Variants in BSPH1 observed in about 807,000 individuals in gnomAD.
BSPH1 encodes binder of sperm protein homolog 1.
A neutral mutation model predicts 22.5 loss-of-function variants in BSPH1; 21 were observed. That is an observed-to-expected ratio of 0.93 (90% CI 0.66 to 1.35). The LOEUF (loss-of-function observed/expected upper bound fraction) is 1.35. BSPH1 is among the 40% of genes most tolerant of loss of function. The probability of loss-of-function intolerance (pLI) is 0.00; values close to 1 mark genes in which losing one functional copy is unlikely to be tolerated. For synonymous variants in BSPH1, 42 were observed against 53.6 expected (o/e 0.78, Z 0.95); for missense variants, 141 against 154.2 (o/e 0.91, Z 0.45).
rs561619048 is a variant in BSPH1, at chr19:47,976,130, C to CA, written c.*2+579dup. Among the ~76,000 whole-genome samples, 643 of 152,200 alleles carry CA rather than the reference C, an allele frequency of 4.2e-3. 3 individuals carry two copies. The highest frequency in any genetic ancestry group is 0.013 in the South Asian group (61 of 4,820). On this transcript the variant is annotated intron_variant, in intron 5 of 5. Coordinates refer to ENST00000344839, the MANE Select transcript of BSPH1 (RefSeq NM_001128326.2). ...TCTACATTGACACATCACTATCACCCAAAATCCATAAGCTTATTTTACTTC... is the reference window on the plus strand; with the variant it reads ...TCTACATTGACACATCACTATCACCCAAAAATCCATAAGCTTATTTTACTTC...
intron 5 of BSPH1, among the ~76,000 whole-genome samples, chr19:47,972,984 G>T (rs1307697412): frequency 6.6e-6 from 1 of 151,662 alleles, no homozygotes; most frequent in Non-Finnish European, 1.5e-5. Context: ...TTGGGAGGCC[G>T]AGGCGGGTGG....
intron 5 of BSPH1, among the ~76,000 whole-genome samples, 195 bp from the exon 6 acceptor site, chr19:47,968,404 C>T (rs1221843488): frequency 2.7e-5 from 4 of 149,498 alleles, no homozygotes; most frequent in Non-Finnish European, 4.4e-5. Flanking sequence ...GTCTCCCACA[C>T]TGGAATGTAG....
rs1386269217 is a variant in BSPH1 at position 47,969,689 on chromosome 19, G to GAA, written c.*3-1481_*3-1480insTT. ...CCTGTAAGGCAGGGAGAGGGGGAGA[G>GAA]AGAGAGAGAGAGAGAGAGAGAGAGA... On this transcript the variant is annotated intron_variant, in intron 5 of 5. Coordinates refer to ENST00000344839, the MANE Select transcript of BSPH1 (RefSeq NM_001128326.2). Among the ~76,000 whole-genome samples, 21 of 49,606 alleles carry GAA rather than the reference G, an allele frequency of 4.2e-4. 1 individual carries two copies. Among genetic ancestry groups the GAA allele is most frequent in the Admixed American group, 1.1e-3 (4 of 3,602 alleles). The allele number at this position is 49,606 out of a possible 152,430, so 32.5% of individuals were successfully genotyped here.
At chr19:47,981,132 C>T (rs1969416084) in intron 1 of BSPH1, among the ~76,000 whole-genome samples, 191 bp from the exon 2 acceptor site, 1 of 151,888 alleles carries the variant, frequency 6.6e-6, no homozygotes, top group African/African-American at 2.4e-5. Flanking sequence ...TTGTATTTTT[C>T]AAATATTATT....
intron 3 of BSPH1, among the ~76,000 whole-genome samples, chr19:47,977,957 T>C (rs1040742955): frequency 6.8e-6 from 1 of 147,636 alleles, no homozygotes; most frequent in Non-Finnish European, 1.5e-5. Context: ...TATATACTTA[T>C]ATATGTTATA....
chr19:47,972,410 T>C (rs917736004), intron 5 of BSPH1, among the ~76,000 whole-genome samples: 2 of 152,034 alleles, frequency 1.3e-5, no homozygotes, highest in Admixed American at 1.3e-4. Context: ...TAGTGCTTTA[T>C]AGGTAATTTT....
At chr19:47,981,718 C>G in intron 1 of BSPH1, 1 of 964,340 alleles carries the variant, frequency 1.0e-6, no homozygotes, top group Non-Finnish European at 1.2e-6. Context: ...CAAGTCCTCC[C>G]CAGTTTGAAT....
intron 5 of BSPH1, among the ~76,000 whole-genome samples, chr19:47,969,638 C>G (rs1022732739): frequency 1.4e-5 from 2 of 143,846 alleles, no homozygotes; most frequent in African/African-American, 5.4e-5. Flanking sequence ...CCCTAAGGAA[C>G]AGCAGATTGT....
chr19:47,988,928 A>T (rs1326242092), intron 1 of BSPH1, among the ~76,000 whole-genome samples: 1 of 151,786 alleles, frequency 6.6e-6, no homozygotes, highest in Non-Finnish European at 1.5e-5. Flanking sequence ...TTTCTTTTTC[A>T]GGCTAGGCGT....
Position 47,988,375 on chromosome 19 carries a change from C to T in BSPH1, c.73+3634G>A, listed in dbSNP as rs904767516. On this transcript the variant is annotated intron_variant, in intron 1 of 5. Transcript: ENST00000344839. ...GGGAGTCAGCAAGAATCACGATCCT[C>T]CTGTTTCAGATGTGGGAACTCACAG... Among the ~76,000 whole-genome samples, 5 of 152,272 alleles carry T rather than the reference C, an allele frequency of 3.3e-5. No individual in the cohort carries two copies. The East Asian group carries it at 5.8e-4, about 18-fold the overall frequency.
At chr19:47,986,853 G>A (rs984785776) in intron 1 of BSPH1, among the ~76,000 whole-genome samples, 4 of 152,230 alleles carry the variant, frequency 2.6e-5, no homozygotes, top group Admixed American at 2.6e-4. Flanking sequence ...GAGGCCAGAA[G>A]GCCAAAATGC....
chr19:47,985,830 G>C (rs1249425051), intron 1 of BSPH1, among the ~76,000 whole-genome samples: 1 of 99,656 alleles, frequency 1.0e-5, no homozygotes, highest in East Asian at 2.4e-4. Flanking sequence ...GCAAGACTTT[G>C]TCTAGAAAAA....
intron 1 of BSPH1, among the ~76,000 whole-genome samples, chr19:47,985,890 A>T (rs1313197311): frequency 6.6e-6 from 1 of 152,146 alleles, no homozygotes; most frequent in Non-Finnish European, 1.5e-5. Context: ...AGCATGTGAA[A>T]TGTGTTCAGG....
intron 1 of BSPH1, among the ~76,000 whole-genome samples, chr19:47,987,644 A>G (rs1456113901): frequency 6.6e-6 from 1 of 152,028 alleles, no homozygotes; most frequent in African/African-American, 2.4e-5. Context: ...ACCTTGAACT[A>G]TGCATGGCCA....
At chr19:47,982,967 G>A (rs527863500) in intron 1 of BSPH1, among the ~76,000 whole-genome samples, 1 of 152,200 alleles carries the variant, frequency 6.6e-6, no homozygotes, top group Non-Finnish European at 1.5e-5. Context: ...GGAGGAATGG[G>A]GAGTTATTAT....
intron 1 of BSPH1, among the ~76,000 whole-genome samples, chr19:47,984,092 C>G (rs1168554761): frequency 6.7e-6 from 1 of 150,306 alleles, no homozygotes; most frequent in Non-Finnish European, 1.5e-5. Flanking sequence ...GGTGATCCAC[C>G]CACCTCGGCC....
At chr19:47,986,751 A>AT (rs1555732416) in intron 1 of BSPH1, among the ~76,000 whole-genome samples, 47 of 151,524 alleles carry the variant, frequency 3.1e-4, no homozygotes, top group African/African-American at 6.6e-4. Flanking sequence ...TCTAAAAATA[A>AT]AATAAAATAA....
At chr19:47,976,608 CCTCTCT>C in intron 5 of BSPH1, 96 bp downstream of exon 5, 2 of 610,872 alleles carry the variant, frequency 3.3e-6, no homozygotes, top group Non-Finnish European at 5.1e-6. Context: ...AAAAAAAAAC[CCTCTCT>C]AATGAGAAAG....
chr19:47,978,049 C>G (rs1012139040), intron 3 of BSPH1, among the ~76,000 whole-genome samples: 10 of 124,924 alleles, frequency 8.0e-5, no homozygotes, highest in Non-Finnish European at 1.6e-4. Flanking sequence ...TGCATACACA[C>G]ATACAGGCAC....
Sources: gnomAD v4.1 joint callset for allele counts (sites outside exome capture counted in the v4.1 genomes callset) on GRCh38, gnomAD v4.1.1 for gene constraint, MANE v1.5 for transcripts, NCBI Gene and HGNC (gene_info 2026-07-23, HGNC 2026-07-21) for gene names.